Variants in RNF180 observed in about 807,000 individuals in gnomAD.
RNF180 encodes E3 ubiquitin-protein ligase RNF180.
Under a neutral mutation model 59.2 loss-of-function variants are expected in RNF180, and 38 were observed. That is an observed-to-expected ratio of 0.64 (90% CI 0.50 to 0.84). The LOEUF (loss-of-function observed/expected upper bound fraction) is 0.84, where lower values mean the gene tolerates loss of function less well. Among genes scored for constraint, RNF180 ranks in the 40% least tolerant of loss-of-function variants. The pLI is 0.00. For synonymous variants in RNF180, 262 were observed against 240.3 expected (o/e 1.09, Z -0.84); for missense variants, 705 against 700.9 (o/e 1.01, Z -0.07).
chr5:64,356,975 T>C (rs1377463244), intron 7 of RNF180, among the ~76,000 whole-genome samples: 1 of 151,848 alleles, frequency 6.6e-6, no homozygotes. Flanking sequence ...AAATGACAAA[T>C]GTTATGTTAT....
intron 1 of RNF180, among the ~76,000 whole-genome samples, chr5:64,170,498 G>C (rs1749882772): frequency 6.6e-6 from 1 of 152,186 alleles, no homozygotes; most frequent in African/African-American, 2.4e-5. Flanking sequence ...AAAGATTTGG[G>C]TTTGGCAGGA....
At chr5:64,346,513 G>A (rs1305854324) in intron 7 of RNF180, among the ~76,000 whole-genome samples, 1 of 151,678 alleles carries the variant, frequency 6.6e-6, no homozygotes, top group Non-Finnish European at 1.5e-5. Context: ...GGGATTACAG[G>A]TGCCTGCCAC....
chr5:64,257,268 C>A (rs1450707530), intron 5 of RNF180, among the ~76,000 whole-genome samples: 1 of 152,192 alleles, frequency 6.6e-6, no homozygotes, highest in East Asian at 1.9e-4. Flanking sequence ...AGAGGGCATC[C>A]TTGTCTTGTG....
intron 6 of RNF180, among the ~76,000 whole-genome samples, chr5:64,328,094 G>A (rs1235413457): frequency 6.6e-6 from 1 of 152,124 alleles, no homozygotes; most frequent in Non-Finnish European, 1.5e-5. Flanking sequence ...GTTGCAAACT[G>A]TTCACCTTCG....
chr5:64,239,791 G>T (rs1684076035), intron 5 of RNF180, among the ~76,000 whole-genome samples: 1 of 152,022 alleles, frequency 6.6e-6, no homozygotes, highest in African/African-American at 2.4e-5. Context: ...TCTGAAAATG[G>T]TTACTTTGCA....
chr5:64,365,595 C>T (rs537026710), intron 7 of RNF180, among the ~76,000 whole-genome samples: 59 of 151,730 alleles, frequency 3.9e-4, no homozygotes, highest in Non-Finnish European at 8.1e-4. Context: ...ATGGCTCCCA[C>T]TATTAGTGTG....
chr5:64,184,965 T>C (rs1248556734), intron 1 of RNF180, among the ~76,000 whole-genome samples: 3 of 152,230 alleles, frequency 2.0e-5, no homozygotes, highest in African/African-American at 7.2e-5. Context: ...TTAAATCTTT[T>C]GTTCAGAGAT....
At chr5:64,255,861 A>G (rs1047040435) in intron 5 of RNF180, among the ~76,000 whole-genome samples, 24 of 152,118 alleles carry the variant, frequency 1.6e-4, no homozygotes, top group Non-Finnish European at 2.4e-4. Context: ...TCCAGCACCT[A>G]TTGTTTCCTG....
At chr5:64,366,650 A>G (rs554692814) in intron 7 of RNF180, among the ~76,000 whole-genome samples, 3 of 151,692 alleles carry the variant, frequency 2.0e-5, no homozygotes, top group Non-Finnish European at 3.0e-5. Context: ...GAACTTTAAG[A>G]CAGGTCTCTT....
At chr5:64,208,087 A>G (rs924442962) in intron 2 of RNF180, among the ~76,000 whole-genome samples, 3 of 152,112 alleles carry the variant, frequency 2.0e-5, no homozygotes, top group Non-Finnish European at 2.9e-5. Flanking sequence ...TCAAATTTGT[A>G]ATTTTAAAAT....
chr5:64,334,755 A>G (rs1213199495), intron 7 of RNF180, among the ~76,000 whole-genome samples: 2 of 152,258 alleles, frequency 1.3e-5, no homozygotes, highest in Middle Eastern at 3.4e-3. Context: ...TTTTACTACT[A>G]CACTGTAGTC....
At chr5:64,357,595 C>G (rs1453265785) in intron 7 of RNF180, among the ~76,000 whole-genome samples, 1 of 151,740 alleles carries the variant, frequency 6.6e-6, no homozygotes, top group Non-Finnish European at 1.5e-5. Flanking sequence ...ATTTTATTCT[C>G]TAAAGTCTGT....
At chr5:64,219,218 T>A (rs1752783290) in intron 5 of RNF180, among the ~76,000 whole-genome samples, 1 of 116,360 alleles carries the variant, frequency 8.6e-6, no homozygotes, top group Non-Finnish European at 1.7e-5. Flanking sequence ...GCTTTTTCTG[T>A]ATGAGTTTGA....
chr5:64,254,649 T>G (rs896775714), intron 5 of RNF180, among the ~76,000 whole-genome samples: 1 of 152,156 alleles, frequency 6.6e-6, no homozygotes, highest in East Asian at 1.9e-4. Flanking sequence ...CTTAAGATTA[T>G]CCATTCTTTT....
intron 7 of RNF180, among the ~76,000 whole-genome samples, chr5:64,349,691 G>A (rs1322314349): frequency 6.6e-6 from 1 of 151,882 alleles, no homozygotes; most frequent in African/African-American, 2.4e-5. Flanking sequence ...TGCGGTGTTT[G>A]GTTTTTTGTC....
chr5:64,317,772 T>C (rs1457046039), intron 5 of RNF180, among the ~76,000 whole-genome samples: 1 of 149,546 alleles, frequency 6.7e-6, no homozygotes, highest in Non-Finnish European at 1.5e-5. Context: ...CAATTTTCTA[T>C]GGGTTTTTGT....
chr5:64,225,750 CTT>C (rs1303388083), intron 5 of RNF180, among the ~76,000 whole-genome samples: 17 of 138,852 alleles, frequency 1.2e-4, no homozygotes, highest in Admixed American at 2.2e-4. Context: ...CCTGGCCACC[CTT>C]CGTCTGAGAT....
At chr5:64,366,332 C>CTGTT (rs1561283062) in intron 7 of RNF180, among the ~76,000 whole-genome samples, 1 of 151,684 alleles carries the variant, frequency 6.6e-6, no homozygotes, top group Non-Finnish European at 1.5e-5. Context: ...GAGAGGTCCA[C>CTGTT]TGTTAGTCTG....
At chr5:64,328,593 G>C (rs951434258) in intron 6 of RNF180, among the ~76,000 whole-genome samples, 1 of 152,178 alleles carries the variant, frequency 6.6e-6, no homozygotes. Flanking sequence ...TTGTATGCTG[G>C]TTCGTGGGTG....
Sources: gnomAD v4.1 joint callset for allele counts (sites outside exome capture counted in the v4.1 genomes callset) on GRCh38, gnomAD v4.1.1 for gene constraint, MANE v1.5 for transcripts, NCBI Gene and HGNC (gene_info 2026-07-23, HGNC 2026-07-21) for gene names.